Variants in ISLR2 observed in about 807,000 individuals in gnomAD.
ISLR2 encodes the protein immunoglobulin superfamily containing leucine rich repeat 2.
In ISLR2, 16 loss-of-function variants were observed where a neutral mutation model predicts 25.5. The observed-to-expected ratio is 0.63, with a 90% CI of 0.43 to 0.95. The LOEUF is 0.95. Among genes scored for constraint, ISLR2 ranks in the 40% least tolerant of loss-of-function variants. The pLI is 0.00. For synonymous variants in ISLR2, 508 were observed against 486.6 expected, an observed-to-expected ratio of 1.04 and a Z score of -0.58; for missense variants, 883 against 1,030.7, an observed-to-expected ratio of 0.86 and a Z score of 1.96.
chr15:74,135,209 A>T lies in ISLR2; in HGVS notation c.*217A>T, dbSNP rs2072543944. 1.6e-6 allele frequency: 1 copy of T among 610,522 alleles called. No individual in the cohort carries two copies. The highest frequency in any genetic ancestry group is 2.1e-5 in the South Asian group (1 of 48,412). 37.8% of individuals were successfully genotyped at this position (610,522 alleles called of 1,614,324 possible). A position where few individuals can be genotyped will look rare whatever the true frequency, so the allele number is the denominator to read the frequency against. ...GGCTGCCATTCTCCCTGCGGGCTGA[A>T]TCCCCTTCCCCGCCAAGCACAGTGT... On this transcript the variant is annotated 3_prime_UTR_variant, in exon 3 of 3. Transcript: ENST00000453268.
At chr15:74,127,660 C>T (rs1567158569), upstream of ISLR2, 1 of 152,536 alleles carries the variant, frequency 6.6e-6, no homozygotes, top group Non-Finnish European at 1.5e-5. Context: ...CAGCCAGCAC[C>T]CTCTGCCGTT....
rs548794550 is a variant in ISLR2, at chr15:74,114,023, T to G, written n.228+10109T>G. ...TTCTGATACTCTGCCACACACATTT[T>G]AGCAGCCCTGAGCAGCAGTCTCTGT... On this transcript the variant is annotated intron_variant and non_coding_transcript_variant, in intron 2 of 3. Transcript: ENST00000561975. 2.0e-5 allele frequency among the ~76,000 whole-genome samples: 3 copies of G among 152,362 alleles called. No homozygotes were observed. In the South Asian group the frequency reaches 6.2e-4, roughly 32 times the overall value.
chr15:74,137,441 C>G (rs1038349654), downstream of ISLR2, among the ~76,000 whole-genome samples: 6 of 152,166 alleles, frequency 3.9e-5, no homozygotes, highest in African/African-American at 7.2e-5. Context: ...GTGGGGAGCA[C>G]TCAGTGAATG....
At chr15:74,128,446 T>A (rs900122490), upstream of ISLR2, 1 of 456,418 alleles carries the variant, frequency 2.2e-6, no homozygotes, top group Non-Finnish European at 4.4e-6. Flanking sequence ...AGGAGCCCCG[T>A]CTCCCTGCCG....
At chr15:74,127,464 G>T (rs537516177), upstream of ISLR2, 2 of 152,384 alleles carry the variant, frequency 1.3e-5, no homozygotes, top group East Asian at 3.9e-4. Context: ...CGCGAAGTAG[G>T]GACAGCGCCT....
rs1567165298 is a variant in ISLR2 at position 74,134,917 on chromosome 15, T to C, written c.2163T>C (p.Asp721=). 1 of 1,613,808 alleles carries C rather than the reference T, an allele frequency of 6.2e-7. No individual in the cohort carries two copies. The highest frequency in any genetic ancestry group is 2.2e-5 in the East Asian group (1 of 44,842). ...EEFEAGSEYS[D]RLPLGAEAVN... is the part of the protein sequence containing the mutation. ...TCGAGGCGGGCTCTGAGTACAGCGATCGGCTGCCCCTGGGCGCCGAGGCGG... is the reference window on the plus strand; with the variant it reads ...TCGAGGCGGGCTCTGAGTACAGCGACCGGCTGCCCCTGGGCGCCGAGGCGG... Residue 721 remains aspartate (D), a synonymous_variant, in exon 3 of 3, where the codon GAT becomes GAC. Transcript: ENST00000453268.
chr15:74,119,541 C>A (rs940803969), intron 2 of ISLR2, among the ~76,000 whole-genome samples: 1 of 152,154 alleles, frequency 6.6e-6, no homozygotes, highest in Non-Finnish European at 1.5e-5. Context: ...CCCTTGGCTA[C>A]CCCCTCCCCC....
At chr15:74,112,829 T>TTA in intron 2 of ISLR2, among the ~76,000 whole-genome samples, 1 of 28,824 alleles carries the variant, frequency 3.5e-5, no homozygotes, top group South Asian at 1.4e-3. Context: ...TGCCCGGCCC[T>TTA]TTTTTTTTTT....
chr15:74,108,587 C>T (rs1197975847), intron 2 of ISLR2, among the ~76,000 whole-genome samples: 1 of 152,238 alleles, frequency 6.6e-6, no homozygotes, highest in African/African-American at 2.4e-5. Flanking sequence ...CTGGTTCCAC[C>T]TGGGCCAGCT....
At chr15:74,128,390 G>C (rs1297307231), upstream of ISLR2, 1 of 442,302 alleles carries the variant, frequency 2.3e-6, no homozygotes, top group Non-Finnish European at 4.5e-6. Context: ...GGGCCCGCGG[G>C]AGTCAGCTCC....
At chr15:74,127,393 T>TATAGG (rs1234568029), upstream of ISLR2, 11 of 152,346 alleles carry the variant, frequency 7.2e-5, no homozygotes, top group African/African-American at 2.6e-4. Context: ...TAGGAAGGTT[T>TATAGG]TGTGCCAGGG....
chr15:74,135,543 C>T lies in ISLR2; in HGVS notation c.*551C>T, dbSNP rs1238419268. On this transcript the variant is annotated 3_prime_UTR_variant, in exon 3 of 3. Coordinates refer to ENST00000453268, the MANE Select transcript of ISLR2 (RefSeq NM_020851.3). ...TTTTTGACGGAGTCTTGGTCTGTCGCCAGGCTGGAGTGCAGTGGCGCGATC... is the reference window on the plus strand; with the variant it reads ...TTTTTGACGGAGTCTTGGTCTGTCGTCAGGCTGGAGTGCAGTGGCGCGATC... 1 of 163,312 alleles carries T rather than the reference C, an allele frequency of 6.1e-6. No homozygotes were observed. The highest frequency in any genetic ancestry group is 2.4e-5 in the African/African-American group (1 of 41,344). 10.1% of individuals were successfully genotyped at this position (163,312 alleles called of 1,614,324 possible).
intron 2 of ISLR2, among the ~76,000 whole-genome samples, chr15:74,113,183 G>A (rs2072183175): frequency 6.6e-6 from 1 of 152,210 alleles, no homozygotes; most frequent in African/African-American, 2.4e-5. Flanking sequence ...TCTGATGGGG[G>A]GCGGAGCTCA....
At chr15:74,124,511 C>A (rs1220588414), upstream of ISLR2, among the ~76,000 whole-genome samples, 2 of 152,124 alleles carry the variant, frequency 1.3e-5, no homozygotes, top group Non-Finnish European at 2.9e-5. Context: ...TAATTTTCAG[C>A]ACTTTGGGAG....
chr15:74,135,191 A>G lies in ISLR2; in HGVS notation c.*199A>G, dbSNP rs1051126326. ...CCAGTCCCTGCTACCCACGGCTGCC[A>G]TTCTCCCTGCGGGCTGAATCCCCTT... On this transcript the variant is annotated 3_prime_UTR_variant, in exon 3 of 3. Transcript: ENST00000453268. The G allele has an allele frequency of 6.2e-6, 4 of 648,834 alleles. No homozygotes were observed. Among genetic ancestry groups the G allele is most frequent in the Non-Finnish European group, 1.1e-5 (4 of 371,242 alleles). The allele number at this position is 648,834 out of a possible 1,614,324, so 40.2% of individuals were successfully genotyped here. A position where few individuals can be genotyped will look rare whatever the true frequency, so the allele number is the denominator to read the frequency against.
chr15:74,134,312 C>G lies in ISLR2; in HGVS notation c.1558C>G (p.Pro520Ala). The G allele has an allele frequency of 6.5e-7, 1 of 1,530,136 alleles. No individual in the cohort carries two copies. The highest frequency in any genetic ancestry group is 8.8e-7 in the Non-Finnish European group (1 of 1,140,808). The allele number at this position is 1,530,136 out of a possible 1,614,324, so 94.8% of individuals were successfully genotyped here. The change falls in exon 3 of 3, where the codon CCG becomes GCG. Residue 520 changes from proline (P) to alanine (A), a missense_variant. Around this residue, in one of 2 missense-constraint regions of ISLR2, gnomAD observed 612 missense variants for 642.8 expected, o/e 0.95. Coordinates refer to ENST00000453268, the MANE Select transcript of ISLR2 (RefSeq NM_020851.3). The stretch of plus-strand genomic sequence containing the variant: ...TGGGCCCGGCGGGGCTGGCGGAGCC[C>G]CGCGACCCGGGCGGCGACCCCTGCG... ...GPGPGGAGGA[P>A]RPGRRPLRLL...
downstream of ISLR2, among the ~76,000 whole-genome samples, chr15:74,140,415 G>A (rs559183612): frequency 5.9e-5 from 9 of 152,300 alleles, no homozygotes; most frequent in East Asian, 1.7e-3. Context: ...GTGGCATCTT[G>A]CTATGACTAC....
At chr15:74,130,051 G>C (rs948323162), upstream of ISLR2, 2 of 152,154 alleles carry the variant, frequency 1.3e-5, no homozygotes, top group Non-Finnish European at 2.9e-5. Flanking sequence ...GTCGGGCAGT[G>C]GGCTTCAAGC....
downstream of ISLR2, among the ~76,000 whole-genome samples, chr15:74,137,571 G>C (rs2072582973): frequency 6.6e-6 from 1 of 152,174 alleles, no homozygotes; most frequent in Non-Finnish European, 1.5e-5. Flanking sequence ...GAGAGACAGG[G>C]GGATCAAGAA....
Sources: gnomAD v4.1 joint callset for allele counts (sites outside exome capture counted in the v4.1 genomes callset) on GRCh38, gnomAD v4.1.1 for gene constraint, gnomAD v4.1.1 regional missense constraint, MANE v1.5 for transcripts, NCBI Gene and HGNC (gene_info 2026-07-23, HGNC 2026-07-21) for gene names.